MINDY1: variants seen among roughly 807,000 people sequenced by gnomAD.
MINDY1 encodes ubiquitin carboxyl-terminal hydrolase MINDY-1.
A neutral mutation model predicts 53.6 loss-of-function variants in MINDY1; 50 were observed. The ratio of observed to expected loss-of-function variants is 0.93; its 90% CI spans 0.74 to 1.18. MINDY1 has a LOEUF of 1.18. Ranked by LOEUF, MINDY1 falls within the 50% of genes most tolerant of loss-of-function variation. The probability of loss-of-function intolerance (pLI) is 0.00; values close to 1 mark genes in which losing one functional copy is unlikely to be tolerated. For synonymous variants in MINDY1, 231 were observed against 234.7 expected, an observed-to-expected ratio of 0.98 and a Z score of 0.14; for missense variants, 484 against 578.6, an observed-to-expected ratio of 0.84 and a Z score of 1.68.
intron 8 of MINDY1, 86 bp from the exon 9 acceptor site, chr1:150,997,865 C>G: frequency 7.1e-7 from 1 of 1,409,974 alleles, no homozygotes; most frequent in South Asian, 1.4e-5. Flanking sequence ...TTCCCACATC[C>G]CTCAAATTCT....
intron 1 of MINDY1, 185 bp downstream of exon 1, chr1:151,006,127 T>C: frequency 6.4e-7 from 1 of 1,551,680 alleles, no homozygotes; most frequent in Middle Eastern, 1.7e-4. Flanking sequence ...TTTCGTGCTT[T>C]CATTAAAAGG....
At position 151,002,871 on chromosome 1, in the gene MINDY1, C is replaced by CT. The variant is rs1672741420; in HGVS notation, c.-89-166dup. On this transcript the variant is annotated intron_variant, in intron 1 of 9. Transcript: ENST00000683666. The surrounding 1 kb of genome is among the most constrained non-coding windows in gnomAD (Gnocchi z 4.1). ...GCCCCGTGCTGAGCTCTTTCCACCT[C>CT]TAACTTGCTGTGACCAGATGAGACC... The CT allele has an allele frequency of 7.0e-7, 1 of 1,419,696 alleles. No individual in the cohort carries two copies. The highest frequency in any genetic ancestry group is 9.2e-7 in the Non-Finnish European group (1 of 1,090,636). The allele number at this position is 1,419,696 out of a possible 1,614,324, so 87.9% of individuals were successfully genotyped here. A position where few individuals can be genotyped will look rare whatever the true frequency, so the allele number is the denominator to read the frequency against.
At chr1:151,000,037 C>T in intron 5 of MINDY1, 73 bp from the exon 6 acceptor site, 1 of 1,131,300 alleles carries the variant, frequency 8.8e-7, no homozygotes, top group Middle Eastern at 2.1e-4. Flanking sequence ...AGGAAATGAA[C>T]AAAGCTCACA....
chr1:151,002,149 C>A lies in MINDY1; in HGVS notation c.453+16G>T. On this transcript the variant is annotated intron_variant, in intron 2 of 9. Transcript: ENST00000683666. This position sits in a 1 kb window ranked among gnomAD's most constrained non-coding sequence, Gnocchi z 4.1. ...TCCCTGATATTTTTTGCACCCCTAA[C>A]TGCATGTTCTCTTACCTTCCACTGA... 2 of 1,585,646 alleles carry A rather than the reference C, an allele frequency of 1.3e-6. No individual in the cohort carries two copies. The highest frequency in any genetic ancestry group is 1.7e-6 in the Non-Finnish European group (2 of 1,165,042).
chr1:151,003,998 C>T (rs185938484), intron 1 of MINDY1, among the ~76,000 whole-genome samples: 38 of 152,258 alleles, frequency 2.5e-4, no homozygotes, highest in Non-Finnish European at 4.1e-4. Flanking sequence ...CCTCGGCTCA[C>T]TGCAACCTCT....
rs769331556 is a variant in MINDY1 at position 150,997,802 on chromosome 1, A to G, written c.1174-23T>C. The G allele has an allele frequency of 2.5e-6, 4 of 1,600,832 alleles. No homozygotes were observed. In the South Asian group the frequency reaches 4.4e-5, roughly 18 times the overall value. On this transcript the variant is annotated intron_variant, in intron 8 of 9. Transcript: ENST00000683666. ...GTCCTGGGGAGAACAAGAGTTGTGCAGTGGGCTGAGGCCCAGAGCCGTGGC... is the reference window on the plus strand; with the variant it reads ...GTCCTGGGGAGAACAAGAGTTGTGCGGTGGGCTGAGGCCCAGAGCCGTGGC...
At position 151,004,216 on chromosome 1, in the gene MINDY1, C is replaced by T. The variant is rs369645212; in HGVS notation, c.-89-1510G>A. Among the ~76,000 whole-genome samples the T allele has an allele frequency of 5.9e-5, 9 of 152,182 alleles. 1 individual carries two copies. Among genetic ancestry groups the T allele is most frequent in the African/African-American group, 2.2e-4 (9 of 41,438 alleles). ...GGGATTACAGGCATGAGCCACCGTGCCCAGTCCTCTCCAGGTCATTTTAGA... is the reference window on the plus strand; with the variant it reads ...GGGATTACAGGCATGAGCCACCGTGTCCAGTCCTCTCCAGGTCATTTTAGA... On this transcript the variant is annotated intron_variant, in intron 1 of 9. Transcript: ENST00000683666.
chr1:150,997,395 G>T, intron 9 of MINDY1, 28 bp from the exon 10 acceptor site: 2 of 1,582,078 alleles, frequency 1.3e-6, no homozygotes, highest in Admixed American at 1.8e-5. Flanking sequence ...ATTGGTCACT[G>T]AACTTCCTTG....
At chr1:151,001,143 C>T in intron 4 of MINDY1, 107 bp downstream of exon 4, 2 of 1,172,814 alleles carry the variant, frequency 1.7e-6, no homozygotes, top group Non-Finnish European at 2.5e-6. Flanking sequence ...AGAATGAAAT[C>T]ATGGTTCAAG....
At chr1:150,998,706 G>A (rs1416560188) in intron 7 of MINDY1, among the ~76,000 whole-genome samples, 4 of 152,170 alleles carry the variant, frequency 2.6e-5, no homozygotes, top group Admixed American at 1.3e-4. Context: ...GGGGAAGAAA[G>A]GGATGTCTGA....
rs1345511221 is a variant in MINDY1 at position 151,002,019 on chromosome 1, C to T, written c.453+146G>A. On this transcript the variant is annotated intron_variant, in intron 2 of 9. Transcript: ENST00000683666. This position sits in a 1 kb window ranked among gnomAD's most constrained non-coding sequence, Gnocchi z 4.1. ...TTTTTTTCTTTGTTTTTAGGAACAT[C>T]TTATCTCATTTGCTCAAGCTGGAGA... 1.7e-4 allele frequency: 146 copies of T among 874,408 alleles called. No individual in the cohort carries two copies. Among genetic ancestry groups the T allele is most frequent in the Admixed American group, 2.1e-4 (7 of 33,068 alleles). The allele number at this position is 874,408 out of a possible 1,614,324, so 54.2% of individuals were successfully genotyped here.
At position 150,998,163 on chromosome 1, in the gene MINDY1, A is replaced by C. The variant is rs1411550470; in HGVS notation, c.1092T>G (p.Phe364Leu). ...DGDSCFCDSD[F>L]HLSHSLGKGP... ...CCTTGCCCAGGGAATGACTCAGGTG[A>C]AAGTCAGAGTCACAAAAGCAGCTGT... The change falls in exon 8 of 10, where the codon TTT (phenylalanine) becomes TTG (leucine). Residue 364 changes from phenylalanine (F) to leucine (L), a missense_variant. Physicochemically the swap from Phe to Leu is conservative, Grantham distance 22. Transcript: ENST00000683666. The C allele has an allele frequency of 1.2e-6, 2 of 1,614,144 alleles. No homozygotes were observed. Among genetic ancestry groups the C allele is most frequent in the East Asian group, 4.5e-5 (2 of 44,888 alleles).
At position 150,999,310 on chromosome 1, in the gene MINDY1, G is replaced by C. The variant is rs767749987; in HGVS notation, c.981+59C>G. ...TCTAGCTGATCCCAGCTGGACCCAC[G>C]AGAAAAAGGCACCAGGAAATGACAG... On this transcript the variant is annotated intron_variant, in intron 7 of 9. Coordinates refer to ENST00000683666, the MANE Select transcript of MINDY1 (RefSeq NM_001376665.1). This position sits in a 1 kb window ranked among gnomAD's most constrained non-coding sequence, Gnocchi z 4.4. 4 of 1,604,074 alleles carry C rather than the reference G, an allele frequency of 2.5e-6. No homozygotes were observed. The highest frequency in any genetic ancestry group is 3.4e-6 in the Non-Finnish European group (4 of 1,173,286).
Position 150,999,860 on chromosome 1 carries a change from ACCTTC to A in MINDY1, c.835_838+1del. The A allele has an allele frequency of 6.2e-7, 1 of 1,611,798 alleles. No individual in the cohort carries two copies. The highest frequency in any genetic ancestry group is 8.5e-7 in the Non-Finnish European group (1 of 1,178,066). On this transcript the variant is annotated splice_donor_variant and coding_sequence_variant, in exon 6 of 10. Coordinates refer to ENST00000683666, the MANE Select transcript of MINDY1 (RefSeq NM_001376665.1). LOFTEE classifies it high-confidence loss of function. This position sits in a 1 kb window ranked among gnomAD's most constrained non-coding sequence, Gnocchi z 4.4. ...TATCCATGAGAAGGGGAGGAATGTCACCTTCTGTCACGAGGTTGGTGTCACTGGAG... is the reference window on the plus strand; with the variant it reads ...TATCCATGAGAAGGGGAGGAATGTCATGTCACGAGGTTGGTGTCACTGGAG...
In MINDY1 at chr1:150,999,789, A is replaced by G; in HGVS notation, c.838+73T>C. The G allele has an allele frequency of 7.5e-7, 1 of 1,331,246 alleles. No individual in the cohort carries two copies. Among genetic ancestry groups the G allele is most frequent in the Admixed American group, 1.8e-5 (1 of 54,206 alleles). The allele number at this position is 1,331,246 out of a possible 1,614,324, so 82.5% of individuals were successfully genotyped here. Reference sequence around the variant, plus strand: ...CTAGTGGGATGTGGTAGGAGATGACACCCAATAAAAAATAAGCCTAAGTAG... The same window carrying G: ...CTAGTGGGATGTGGTAGGAGATGACGCCCAATAAAAAATAAGCCTAAGTAG... On this transcript the variant is annotated intron_variant, in intron 6 of 9. Coordinates refer to ENST00000683666, the MANE Select transcript of MINDY1 (RefSeq NM_001376665.1). The surrounding 1 kb of genome is among the most constrained non-coding windows in gnomAD (Gnocchi z 4.4).
Position 151,000,625 on chromosome 1 carries a change from G to C in MINDY1, c.577-10C>G, listed in dbSNP as rs1672447530. 2 of 1,577,030 alleles carry C rather than the reference G, an allele frequency of 1.3e-6. No homozygotes were observed. The highest frequency in any genetic ancestry group is 1.7e-6 in the Non-Finnish European group (2 of 1,162,474). On this transcript the variant is annotated splice_polypyrimidine_tract_variant and intron_variant, in intron 4 of 9. Coordinates refer to ENST00000683666, the MANE Select transcript of MINDY1 (RefSeq NM_001376665.1). ...TTGCATCATCCACATTCTGGGGGTA[G>C]AAAAAAAAATGATGGAGATTCTAGC... is the stretch of plus-strand genomic sequence containing the variant.
chr1:150,997,720 G>T lies in MINDY1; in HGVS notation c.1233C>A (p.Thr411=), dbSNP rs116412969. The T allele has an allele frequency of 1.2e-6, 2 of 1,613,774 alleles. No individual in the cohort carries two copies. Among genetic ancestry groups the T allele is most frequent in the African/African-American group, 1.3e-5 (1 of 74,940 alleles). ...GAAGCTGCTGGGCCAGCTCCAAGTC[G>T]GTAAGCCCCAGCGGGCCTCGTGGCT... ...QQQPRGPLGL[T]DLELAQQLQQ... is the part of the protein sequence containing the mutation. The change falls in exon 9 of 10, where the codon ACC becomes ACA. Residue 411 remains threonine, a synonymous_variant. Coordinates refer to ENST00000683666, the MANE Select transcript of MINDY1 (RefSeq NM_001376665.1).
chr1:151,000,090 TTTTTGG>T, intron 5 of MINDY1, 126 bp from the exon 6 acceptor site: 2 of 671,138 alleles, frequency 3.0e-6, no homozygotes, highest in Middle Eastern at 4.0e-4. Context: ...ACACTTTTTT[TTTTTGG>T]TCTCTCAAAA....
chr1:151,000,074 TC>T, intron 5 of MINDY1, 110 bp from the exon 6 acceptor site: 2 of 715,920 alleles, frequency 2.8e-6, no homozygotes, highest in Non-Finnish European at 4.5e-6. Context: ...GATGAATGGT[TC>T]CTAAACACTT....
Sources: allele counts gnomAD v4.1 joint callset (sites outside exome capture counted in the v4.1 genomes callset), GRCh38; gene constraint gnomAD v4.1.1; non-coding constraint Gnocchi (gnomAD v3.1); transcripts MANE v1.5; gene names NCBI Gene and HGNC (gene_info 2026-07-23, HGNC 2026-07-21).